Variants in DYM observed in about 807,000 individuals in gnomAD.
DYM encodes dymeclin.
In DYM, 78 loss-of-function variants were observed where a neutral mutation model predicts 93.1. The ratio of observed to expected loss-of-function variants is 0.84; its 90% confidence interval spans 0.70 to 1.01. The LOEUF is 1.01. Ranked by LOEUF, DYM falls within the 50% of genes least tolerant of loss-of-function variation. DYM has a pLI of 0.00. For synonymous variants in DYM, 321 were observed against 319.7 expected, an observed-to-expected ratio of 1.00 and a Z score of -0.04; for missense variants, 789 against 845.0, an observed-to-expected ratio of 0.93 and a Z score of 0.82.
intron 13 of DYM, among the ~76,000 whole-genome samples, chr18:49,222,132 C>T (rs1262829752): frequency 2.0e-5 from 3 of 151,848 alleles, no homozygotes; most frequent in East Asian, 1.9e-4. Context: ...CATTCACTTA[C>T]TTAAAATTAG....
At chr18:49,198,490 G>A (rs1329220412) in intron 14 of DYM, among the ~76,000 whole-genome samples, 1 of 152,034 alleles carries the variant, frequency 6.6e-6, no homozygotes, top group African/African-American at 2.4e-5. Context: ...CATCTGACAA[G>A]GGGCTAATAT....
chr18:49,457,907 G>A (rs1326269034), intron 1 of DYM, among the ~76,000 whole-genome samples: 1 of 152,178 alleles, frequency 6.6e-6, no homozygotes, highest in Non-Finnish European at 1.5e-5. Context: ...TGGCTTTGAA[G>A]ACAGAGGAGG....
At chr18:49,402,795 C>T (rs940063871) in intron 2 of DYM, among the ~76,000 whole-genome samples, 3 of 152,210 alleles carry the variant, frequency 2.0e-5, no homozygotes, top group Non-Finnish European at 4.4e-5. Context: ...CTCCTGCACA[C>T]TGCTCACATA....
rs116271540 is a variant in DYM, at chr18:49,247,438, A to G, written c.1460+9572T>C. On this transcript the variant is annotated intron_variant, in intron 13 of 17. Transcript: ENST00000675505. Reference sequence around the variant, plus strand: ...AAACTTGTTAGCTTGAAAGTAGGTAAAAATCTTACAACCTTCATAAAAATA... The same window carrying G: ...AAACTTGTTAGCTTGAAAGTAGGTAGAAATCTTACAACCTTCATAAAAATA... Among the ~76,000 whole-genome samples the G allele has an allele frequency of 3.4e-3, 525 of 152,328 alleles. 4 individuals are homozygous for G. Among genetic ancestry groups the G allele is most frequent in the African/African-American group, 0.012 (487 of 41,566 alleles).
At chr18:49,047,794 G>A (rs900016614) in intron 17 of DYM, among the ~76,000 whole-genome samples, 1 of 152,124 alleles carries the variant, frequency 6.6e-6, no homozygotes, top group South Asian at 2.1e-4. Context: ...GTACCAACAC[G>A]ATGATGTTCT....
chr18:49,427,478 CTTTAA>C (rs146793731), intron 2 of DYM, among the ~76,000 whole-genome samples: 1,681 of 151,980 alleles, frequency 0.011, 31 homozygotes, highest in African/African-American at 0.039. Context: ...ATTAAAACAA[CTTTAA>C]TTTAAATTTA....
intron 14 of DYM, among the ~76,000 whole-genome samples, chr18:49,168,771 C>G (rs2088253226): frequency 6.6e-6 from 1 of 151,974 alleles, no homozygotes; most frequent in Non-Finnish European, 1.5e-5. Context: ...TGTGGGAGAA[C>G]AGGGGGAAGA....
chr18:49,286,373 A>G, intron 9 of DYM, 61 bp downstream of exon 9: 1 of 1,566,628 alleles, frequency 6.4e-7, no homozygotes, highest in Non-Finnish European at 8.8e-7. Context: ...GACAATAAAC[A>G]ATATAGAACA....
chr18:49,071,465 C>G (rs914735147), intron 17 of DYM, among the ~76,000 whole-genome samples: 9 of 152,224 alleles, frequency 5.9e-5, no homozygotes, highest in Non-Finnish European at 1.3e-4. Flanking sequence ...TTCACAAAAG[C>G]TTATCTCCCC....
At chr18:49,259,218 G>C (rs1172122346) in intron 11 of DYM, among the ~76,000 whole-genome samples, 1 of 152,144 alleles carries the variant, frequency 6.6e-6, no homozygotes, top group Non-Finnish European at 1.5e-5. Flanking sequence ...AAATGCAGAG[G>C]GGGGAACCCA....
chr18:49,346,801 A>C (rs574849875), intron 6 of DYM, among the ~76,000 whole-genome samples: 2 of 152,314 alleles, frequency 1.3e-5, no homozygotes, highest in South Asian at 4.1e-4. Context: ...TGAAATAAGA[A>C]TCTATATTCA....
intron 15 of DYM, among the ~76,000 whole-genome samples, chr18:49,144,003 T>A (rs1207704027): frequency 1.3e-5 from 2 of 152,156 alleles, no homozygotes; most frequent in Admixed American, 1.3e-4. Flanking sequence ...ACATAAAAAA[T>A]TAATAGTAAT....
At chr18:49,372,372 G>A (rs1377959069) in intron 5 of DYM, among the ~76,000 whole-genome samples, 1 of 152,192 alleles carries the variant, frequency 6.6e-6, no homozygotes, top group Non-Finnish European at 1.5e-5. Flanking sequence ...GCCAAAAACA[G>A]AAAGTTTTTA....
At chr18:49,306,027 A>C (rs994707340) in intron 8 of DYM, among the ~76,000 whole-genome samples, 1 of 152,252 alleles carries the variant, frequency 6.6e-6, no homozygotes, top group Admixed American at 6.5e-5. Flanking sequence ...ACATTAGAAA[A>C]TGTCACTGAA....
intron 13 of DYM, among the ~76,000 whole-genome samples, chr18:49,248,980 A>C (rs1222368427): frequency 6.6e-6 from 1 of 152,212 alleles, no homozygotes; most frequent in African/African-American, 2.4e-5. Flanking sequence ...AGGCAGGTGG[A>C]ATCAGGGCTA....
At chr18:49,202,338 C>T in intron 14 of DYM, among the ~76,000 whole-genome samples, 1 of 151,984 alleles carries the variant, frequency 6.6e-6, no homozygotes, top group Non-Finnish European at 1.5e-5. Context: ...GATCTCGGCT[C>T]ACTACAACCT....
intron 15 of DYM, among the ~76,000 whole-genome samples, chr18:49,156,551 A>G (rs961726211): frequency 6.5e-4 from 99 of 151,800 alleles, no homozygotes; most frequent in African/African-American, 2.3e-3. Context: ...GGCCAACATG[A>G]TGAGACCCTG....
chr18:49,258,251 T>C, intron 12 of DYM, 129 bp downstream of exon 12: 1 of 705,710 alleles, frequency 1.4e-6, no homozygotes, highest in South Asian at 1.6e-5. Context: ...ATACAGTGAC[T>C]ATACAGTGAC....
intron 2 of DYM, among the ~76,000 whole-genome samples, chr18:49,392,522 C>G (rs1194032706): frequency 6.6e-6 from 1 of 151,696 alleles, no homozygotes; most frequent in Non-Finnish European, 1.5e-5. Context: ...CCAAACAACC[C>G]AATTTTAAAA....
Sources: gnomAD v4.1 joint callset for allele counts (sites outside exome capture counted in the v4.1 genomes callset) on GRCh38, gnomAD v4.1.1 for gene constraint, MANE v1.5 for transcripts, NCBI Gene and HGNC (gene_info 2026-07-23, HGNC 2026-07-21) for gene names.